ADAMTS3: variants seen among roughly 807,000 people sequenced by gnomAD.
ADAMTS3 encodes the protein A disintegrin and metalloproteinase with thrombospondin motifs 3.
A neutral mutation model predicts 129.0 loss-of-function variants in ADAMTS3; 73 were observed. That is an observed-to-expected ratio of 0.57 (90% CI 0.47 to 0.69). The LOEUF is 0.69. ADAMTS3 is among the 30% of genes least tolerant of loss of function. The pLI is 0.00. For synonymous variants in ADAMTS3, 477 were observed against 510.8 expected (o/e 0.93, Z 0.89); for missense variants, 1,457 against 1,514.5 (o/e 0.96, Z 0.63).
chr4:72,533,158 T>C (rs1453602818), intron 3 of ADAMTS3, among the ~76,000 whole-genome samples: 1 of 152,146 alleles, frequency 6.6e-6, no homozygotes, highest in East Asian at 1.9e-4. Context: ...AAAAATATAT[T>C]TTCTTTATAT....
chr4:72,479,097 T>C (rs1719342878), intron 3 of ADAMTS3, among the ~76,000 whole-genome samples: 1 of 152,098 alleles, frequency 6.6e-6, no homozygotes, highest in South Asian at 2.1e-4. Flanking sequence ...AGAATCAATA[T>C]CCTGAGAATG....
intron 17 of ADAMTS3, among the ~76,000 whole-genome samples, chr4:72,302,978 C>T (rs1218128779): frequency 6.6e-6 from 1 of 152,116 alleles, no homozygotes; most frequent in Non-Finnish European, 1.5e-5. Context: ...TTTTATACAT[C>T]CAGTTGTTTT....
At chr4:72,400,259 CGT>C (rs1450408920) in intron 4 of ADAMTS3, among the ~76,000 whole-genome samples, 5 of 120,372 alleles carry the variant, frequency 4.2e-5, no homozygotes, top group Non-Finnish European at 8.7e-5. Context: ...TGTGTATATA[CGT>C]GTGTATATAT....
chr4:72,468,339 A>C (rs1718975138), intron 3 of ADAMTS3, among the ~76,000 whole-genome samples: 1 of 152,114 alleles, frequency 6.6e-6, no homozygotes, highest in South Asian at 2.1e-4. Context: ...CAGGAGTCTT[A>C]AGAAAAATAA....
intron 3 of ADAMTS3, among the ~76,000 whole-genome samples, chr4:72,542,498 T>A (rs568689592): frequency 6.6e-6 from 1 of 152,354 alleles, no homozygotes; most frequent in South Asian, 2.1e-4. Flanking sequence ...TCGTTGTCAA[T>A]CCATTATTAA....
intron 4 of ADAMTS3, among the ~76,000 whole-genome samples, chr4:72,413,295 G>A (rs1286949152): frequency 2.0e-5 from 3 of 151,852 alleles, no homozygotes; most frequent in Non-Finnish European, 4.4e-5. Context: ...TGGCCTATGC[G>A]TTCCTAAAAA....
intron 8 of ADAMTS3, 33 bp downstream of exon 8, chr4:72,319,825 T>G: frequency 6.6e-7 from 1 of 1,522,444 alleles, no homozygotes; most frequent in Non-Finnish European, 9.1e-7. Flanking sequence ...AAAAGATCTT[T>G]TTTTGGCTTT....
chr4:72,431,148 A>G (rs1230160893), intron 3 of ADAMTS3, among the ~76,000 whole-genome samples: 2 of 152,028 alleles, frequency 1.3e-5, no homozygotes, highest in Non-Finnish European at 2.9e-5. Flanking sequence ...AGACACCCAC[A>G]GAGCATAAAC....
At chr4:72,431,204 G>A (rs1722691090) in intron 3 of ADAMTS3, among the ~76,000 whole-genome samples, 2 of 151,902 alleles carry the variant, frequency 1.3e-5, no homozygotes. Context: ...GGCGAAAATG[G>A]CTCATAAAAC....
At chr4:72,524,315 C>T (rs1416180404) in intron 3 of ADAMTS3, among the ~76,000 whole-genome samples, 1 of 152,094 alleles carries the variant, frequency 6.6e-6, no homozygotes, top group East Asian at 1.9e-4. Context: ...TCATACATTG[C>T]TGTTTCTTTC....
chr4:72,421,211 C>T (rs2109933770), intron 3 of ADAMTS3, among the ~76,000 whole-genome samples: 1 of 152,336 alleles, frequency 6.6e-6, no homozygotes, highest in East Asian at 1.9e-4. Flanking sequence ...TCTGCTCTAG[C>T]CACATGGTCC....
At chr4:72,334,765 A>T (rs933211007) in intron 5 of ADAMTS3, among the ~76,000 whole-genome samples, 1 of 152,218 alleles carries the variant, frequency 6.6e-6, no homozygotes, top group Non-Finnish European at 1.5e-5. Flanking sequence ...TTCTTGATAT[A>T]ACAAGATATG....
intron 4 of ADAMTS3, among the ~76,000 whole-genome samples, chr4:72,361,268 C>T (rs1409698485): frequency 1.3e-5 from 2 of 152,186 alleles, no homozygotes; most frequent in East Asian, 3.9e-4. Flanking sequence ...ATTATATTAT[C>T]TCACAAATTG....
intron 4 of ADAMTS3, among the ~76,000 whole-genome samples, chr4:72,367,427 T>C (rs890464789): frequency 2.0e-5 from 3 of 152,172 alleles, no homozygotes; most frequent in Non-Finnish European, 4.4e-5. Context: ...GATTTATTTA[T>C]TGTGTATTAT....
intron 5 of ADAMTS3, among the ~76,000 whole-genome samples, chr4:72,338,156 A>G (rs1720038003): frequency 6.6e-6 from 1 of 152,104 alleles, no homozygotes; most frequent in African/African-American, 2.4e-5. Context: ...CATCCCTATT[A>G]TTTTTCTCAA....
chr4:72,372,416 T>C lies in ADAMTS3; in HGVS notation c.662-32723A>G, dbSNP rs558070970. The stretch of plus-strand genomic sequence containing the variant: ...CCAATATTATTACATATCCTGAAGA[T>C]AGAAGTACATCATAAATAATGCCAA... On this transcript the variant is annotated intron_variant, in intron 4 of 21. Coordinates refer to ENST00000286657, the MANE Select transcript of ADAMTS3 (RefSeq NM_014243.3). 1.7e-4 allele frequency among the ~76,000 whole-genome samples: 26 copies of C among 152,142 alleles called. 1 individual carries two copies. The highest frequency in any genetic ancestry group is 5.3e-4 in the African/African-American group (22 of 41,552).
intron 3 of ADAMTS3, among the ~76,000 whole-genome samples, chr4:72,489,996 T>C (rs917606712): frequency 1.3e-5 from 2 of 151,868 alleles, no homozygotes; most frequent in Admixed American, 1.3e-4. Context: ...TGTACAGACA[T>C]TCCCTTTTCT....
At chr4:72,459,241 T>G (rs76654251) in intron 3 of ADAMTS3, among the ~76,000 whole-genome samples, 37,523 of 151,410 alleles carry the variant, frequency 0.25, 5,043 homozygotes, top group East Asian at 0.45. Flanking sequence ...AGCAAATCAG[T>G]TAACTGCTTG....
chr4:72,399,833 A>G (rs1387852969), intron 4 of ADAMTS3, among the ~76,000 whole-genome samples: 1 of 81,568 alleles, frequency 1.2e-5, no homozygotes, highest in Non-Finnish European at 2.5e-5. Context: ...ATACGTGTGT[A>G]TATATATACA....
Sources: allele counts gnomAD v4.1 joint callset (sites outside exome capture counted in the v4.1 genomes callset), GRCh38; gene constraint gnomAD v4.1.1; transcripts MANE v1.5; gene names NCBI Gene and HGNC (gene_info 2026-07-23, HGNC 2026-07-21).